The following ADD2 variants were observed in gnomAD, a reference collection of about 807,000 sequenced individuals.
ADD2 encodes beta-adducin.
In ADD2, 23 loss-of-function variants were observed where a neutral mutation model predicts 83.0. The observed-to-expected ratio is 0.28, with a 90% CI of 0.20 to 0.39. The LOEUF is 0.39. Among genes scored for constraint, ADD2 ranks in the 10% least tolerant of loss-of-function variants. The pLI, the probability that ADD2 is intolerant of heterozygous loss-of-function variation, is 1.00. For missense variants in ADD2, 758 were observed against 944.9 expected (o/e 0.80, Z 2.59); for synonymous variants, 375 against 375.4 (o/e 1.00, Z 0.01).
intron 2 of ADD2, among the ~76,000 whole-genome samples, chr2:70,708,798 G>A (rs1332360999): frequency 6.6e-6 from 1 of 152,196 alleles, no homozygotes; most frequent in Non-Finnish European, 1.5e-5. Flanking sequence ...CTACTCTTGT[G>A]ACAAGTAGCT....
At chr2:70,736,857 A>G (rs1352235936) in intron 1 of ADD2, among the ~76,000 whole-genome samples, 3 of 151,824 alleles carry the variant, frequency 2.0e-5, no homozygotes, top group Admixed American at 6.6e-5. Context: ...GGAGAGAAGG[A>G]GGGAGCATCT....
At chr2:70,681,082 T>C (rs1269257483) in intron 10 of ADD2, among the ~76,000 whole-genome samples, 1 of 151,642 alleles carries the variant, frequency 6.6e-6, no homozygotes, top group Non-Finnish European at 1.5e-5. Context: ...CATAGTTAAA[T>C]AATTACCAGC....
chr2:70,697,285 C>T (rs924028231), intron 4 of ADD2, among the ~76,000 whole-genome samples: 4 of 152,232 alleles, frequency 2.6e-5, no homozygotes, highest in African/African-American at 7.2e-5. Flanking sequence ...GGTACCTAGG[C>T]TCCTCTCTGG....
intron 1 of ADD2, among the ~76,000 whole-genome samples, chr2:70,728,717 T>A (rs1406104789): frequency 6.6e-6 from 1 of 152,234 alleles, no homozygotes; most frequent in Non-Finnish European, 1.5e-5. Flanking sequence ...CTTTGACGTC[T>A]GTACCTTTGG....
intron 1 of ADD2, among the ~76,000 whole-genome samples, chr2:70,734,379 A>G (rs1483356236): frequency 6.9e-6 from 1 of 145,922 alleles, no homozygotes; most frequent in African/African-American, 2.4e-5. Flanking sequence ...GCACACACAC[A>G]TGTTGCTCTA....
rs1671914335 is a variant in ADD2 at position 70,706,515 on chromosome 2, G to A, written c.-34-73C>T. 4 of 1,365,632 alleles carry A rather than the reference G, an allele frequency of 2.9e-6. No homozygotes were observed. The highest frequency in any genetic ancestry group is 2.9e-5 in the African/African-American group (2 of 69,028). The allele number at this position is 1,365,632 out of a possible 1,614,324, so 84.6% of individuals were successfully genotyped here. On this transcript the variant is annotated intron_variant, in intron 2 of 15. Coordinates refer to ENST00000264436, the MANE Select transcript of ADD2 (RefSeq NM_001617.4). The surrounding 1 kb of genome is among the most constrained non-coding windows in gnomAD (Gnocchi z 5.0). ...GGGGTACACGTTTCTCAGAGCACAG[G>A]GCTAGGTTCAGTTGGATTCTCAGTG... is the stretch of plus-strand genomic sequence containing the variant.
intron 1 of ADD2, among the ~76,000 whole-genome samples, chr2:70,759,523 T>C (rs1674974348): frequency 6.6e-6 from 1 of 152,100 alleles, no homozygotes; most frequent in African/African-American, 2.4e-5. Context: ...GTTTGGGTCA[T>C]GGTGGTGGAT....
chr2:70,763,361 G>A (rs1412958528), intron 1 of ADD2, among the ~76,000 whole-genome samples: 2 of 151,924 alleles, frequency 1.3e-5, no homozygotes, highest in Non-Finnish European at 2.9e-5. Flanking sequence ...AGCAGCCAAT[G>A]TATGTGGAGT....
At chr2:70,718,289 G>T (rs1672570884) in intron 1 of ADD2, among the ~76,000 whole-genome samples, 1 of 152,164 alleles carries the variant, frequency 6.6e-6, no homozygotes, top group Non-Finnish European at 1.5e-5. Context: ...AGTATCTGTT[G>T]GTGCCCGGGA....
intron 4 of ADD2, 44 bp downstream of exon 4, chr2:70,704,277 T>TCCCCCTGGC: frequency 2.0e-6 from 1 of 496,196 alleles, no homozygotes; most frequent in Non-Finnish European, 3.2e-6. Flanking sequence ...CACCCCACCC[T>TCCCCCTGGC]CCCCTCCACC....
Position 70,678,701 on chromosome 2 carries a change from T to C in ADD2, c.1383+3A>G, listed in dbSNP as rs1670301048. 6.4e-7 allele frequency: 1 copy of C among 1,554,264 alleles called. No individual in the cohort carries two copies. Among genetic ancestry groups the C allele is most frequent in the Non-Finnish European group, 8.7e-7 (1 of 1,149,728 alleles). Reference sequence around the variant, plus strand: ...CCCGGGTCTGTCCTGGGCTCCCCCTTACCGTGGTCTTGGGTCGGGGGCTGC... The same window carrying C: ...CCCGGGTCTGTCCTGGGCTCCCCCTCACCGTGGTCTTGGGTCGGGGGCTGC... On this transcript the variant is annotated splice_donor_region_variant and intron_variant, in intron 11 of 15. Transcript: ENST00000264436.
At chr2:70,668,048 G>A (rs1669726543) in intron 15 of ADD2, among the ~76,000 whole-genome samples, 1 of 152,262 alleles carries the variant, frequency 6.6e-6, no homozygotes, top group African/African-American at 2.4e-5. Context: ...AATTCTCTCT[G>A]TTCTTGAGCC....
chr2:70,682,773 T>G (rs1553369783), intron 10 of ADD2, among the ~76,000 whole-genome samples: 2 of 152,200 alleles, frequency 1.3e-5, no homozygotes, highest in African/African-American at 4.8e-5. Flanking sequence ...TTTTGTATCC[T>G]TTGAAGAGCC....
Position 70,767,931 on chromosome 2 carries a change from G to A in ADD2, c.-199C>T. On this transcript the variant is annotated 5_prime_UTR_variant, in exon 1 of 16. Coordinates refer to ENST00000264436, the MANE Select transcript of ADD2 (RefSeq NM_001617.4). ...TATCTCCGGTCGGCCACTGCGGGTT[G>A]GTTTTGTTATTTTATGGGTTTGGGG... The A allele has an allele frequency of 6.5e-7, 1 of 1,535,964 alleles. No homozygotes were observed. Among genetic ancestry groups the A allele is most frequent in the Non-Finnish European group, 8.7e-7 (1 of 1,146,824 alleles).
chr2:70,670,514 G>A (rs564125506), intron 15 of ADD2, among the ~76,000 whole-genome samples: 24 of 152,348 alleles, frequency 1.6e-4, no homozygotes, highest in Non-Finnish European at 3.2e-4. Context: ...AGGAGCTAAA[G>A]AGAAGGTGAT....
At chr2:70,746,261 G>A (rs572902788) in intron 1 of ADD2, among the ~76,000 whole-genome samples, 5 of 152,274 alleles carry the variant, frequency 3.3e-5, no homozygotes, top group Admixed American at 6.5e-5. Flanking sequence ...CTCTGAGGGC[G>A]CTCATCAGTG....
At chr2:70,707,095 C>T (rs1192756806) in intron 2 of ADD2, among the ~76,000 whole-genome samples, 4 of 152,192 alleles carry the variant, frequency 2.6e-5, no homozygotes, top group Admixed American at 1.3e-4. Flanking sequence ...ACTACTGAAA[C>T]GTGGGAAGCG....
chr2:70,729,501 A>G (rs1673174922), intron 1 of ADD2, among the ~76,000 whole-genome samples: 1 of 152,026 alleles, frequency 6.6e-6, no homozygotes, highest in African/African-American at 2.4e-5. Context: ...CCACCCCTTC[A>G]TTGAACTTAT....
intron 2 of ADD2, among the ~76,000 whole-genome samples, chr2:70,710,709 A>G (rs1251651680): frequency 1.3e-5 from 2 of 152,254 alleles, no homozygotes; most frequent in Non-Finnish European, 2.9e-5. Flanking sequence ...GCCACTTATT[A>G]TCTGTGTAAT....
Sources: allele counts gnomAD v4.1 joint callset (sites outside exome capture counted in the v4.1 genomes callset), GRCh38; gene constraint gnomAD v4.1.1; non-coding constraint Gnocchi (gnomAD v3.1); transcripts MANE v1.5; gene names NCBI Gene and HGNC (gene_info 2026-07-23, HGNC 2026-07-21).